RGS18: variants seen among roughly 807,000 people sequenced by gnomAD.
RGS18 encodes the protein regulator of G protein signaling 18, also known as regulator of G-protein signaling 18.
Under a neutral mutation model 27.6 loss-of-function variants are expected in RGS18, and 22 were observed. The ratio of observed to expected loss-of-function variants is 0.80; its 90% CI spans 0.57 to 1.14. The LOEUF is 1.14. Among genes scored for constraint, RGS18 ranks in the 50% most tolerant of loss-of-function variants. The probability of loss-of-function intolerance (pLI) is 0.00; values close to 1 mark genes in which losing one functional copy is unlikely to be tolerated. For missense variants in RGS18, 299 were observed against 269.6 expected (o/e 1.11, Z -0.76); for synonymous variants, 89 against 84.6 (o/e 1.05, Z -0.29).
At chr1:192,163,830 G>C (rs1427281626) in intron 3 of RGS18, among the ~76,000 whole-genome samples, 2 of 149,828 alleles carry the variant, frequency 1.3e-5, no homozygotes, top group African/African-American at 2.4e-5. Flanking sequence ...CTATTTATTT[G>C]ACTCTAGTAG....
chr1:192,183,647 C>T (rs1166543204), intron 4 of RGS18, among the ~76,000 whole-genome samples: 1 of 151,516 alleles, frequency 6.6e-6, no homozygotes, highest in Non-Finnish European at 1.5e-5. Context: ...CTGCAACAGA[C>T]ACAACAGCAC....
chr1:192,174,345 T>G lies in RGS18; in HGVS notation c.284-6947T>G, dbSNP rs185982381. ...TTTTTGAAATTTATTTAGGCTCATA[T>G]TATGAGTCTAACACAGAGTTTATCT... On this transcript the variant is annotated intron_variant, in intron 3 of 4. Coordinates refer to ENST00000367460, the MANE Select transcript of RGS18 (RefSeq NM_130782.3). 1.3e-4 allele frequency among the ~76,000 whole-genome samples: 20 copies of G among 151,966 alleles called. No homozygotes were observed. The East Asian group carries it at 3.7e-3, about 28-fold the overall frequency.
intron 3 of RGS18, among the ~76,000 whole-genome samples, chr1:192,180,292 G>T (rs1187738703): frequency 6.6e-6 from 1 of 151,530 alleles, no homozygotes; most frequent in Non-Finnish European, 1.5e-5. Context: ...AACACTTGGT[G>T]TATTTTAACA....
At chr1:192,167,437 T>A (rs560418621) in intron 3 of RGS18, among the ~76,000 whole-genome samples, 15 of 151,976 alleles carry the variant, frequency 9.9e-5, no homozygotes, top group Non-Finnish European at 2.1e-4. Context: ...TTTTTTTTTT[T>A]TATATTGAAT....
chr1:192,173,183 G>A (rs1656293768), intron 3 of RGS18, among the ~76,000 whole-genome samples: 1 of 151,832 alleles, frequency 6.6e-6, no homozygotes, highest in South Asian at 2.1e-4. Flanking sequence ...CTAGACAGCT[G>A]TAAACATTTA....
intron 3 of RGS18, among the ~76,000 whole-genome samples, chr1:192,165,297 C>T (rs1223073507): frequency 6.6e-6 from 1 of 152,130 alleles, no homozygotes; most frequent in East Asian, 1.9e-4. Context: ...AACCCTGTTT[C>T]CTGTTAAGAT....
At chr1:192,160,489 C>A in intron 3 of RGS18, 50 bp downstream of exon 3, 3 of 1,297,852 alleles carry the variant, frequency 2.3e-6, no homozygotes, top group South Asian at 1.2e-5. Flanking sequence ...GAAAATTACA[C>A]AAACTATGCA....
intron 3 of RGS18, among the ~76,000 whole-genome samples, chr1:192,161,139 T>C (rs1216528703): frequency 6.6e-6 from 1 of 152,168 alleles, no homozygotes; most frequent in African/African-American, 2.4e-5. Flanking sequence ...CGTGAACCAC[T>C]GCGCCCCGCT....
In RGS18 at chr1:192,184,902, A is replaced by AT. The variant is rs559431333; in HGVS notation, c.*354dup. ...AAGTTCAAACAAAAGTCTAGTTGGG[A>AT]TTTTTTACCAAAGCAGCATAATATG... is the stretch of plus-strand genomic sequence containing the variant. On this transcript the variant is annotated 3_prime_UTR_variant, in exon 5 of 5. Transcript: ENST00000367460. 5.1e-3 allele frequency: 1,128 copies of AT among 221,652 alleles called. 10 individuals are homozygous for AT. Among genetic ancestry groups the AT allele is most frequent in the African/African-American group, 0.022 (963 of 43,000 alleles). The allele number at this position is 221,652 out of a possible 1,614,324, so 13.7% of individuals were successfully genotyped here.
At chr1:192,160,841 T>G (rs1025822791) in intron 3 of RGS18, among the ~76,000 whole-genome samples, 7 of 152,154 alleles carry the variant, frequency 4.6e-5, no homozygotes, top group Non-Finnish European at 7.4e-5. Flanking sequence ...ACACAGTTTT[T>G]TTTGTTTGTT....
chr1:192,159,925 T>G (rs1373487344), intron 2 of RGS18, among the ~76,000 whole-genome samples: 5 of 152,060 alleles, frequency 3.3e-5, no homozygotes, highest in Admixed American at 6.5e-5. Flanking sequence ...TTAGTCAAAC[T>G]TCCTGTATCC....
chr1:192,169,223 C>T (rs1039211344), intron 3 of RGS18: 4 of 152,080 alleles, frequency 2.6e-5, no homozygotes, highest in Admixed American at 2.6e-4. Context: ...CTTCTGAAAT[C>T]ATGAAAATTA....
intron 3 of RGS18, among the ~76,000 whole-genome samples, chr1:192,161,007 G>A (rs1472099264): frequency 6.6e-6 from 1 of 151,924 alleles, no homozygotes; most frequent in Non-Finnish European, 1.5e-5. Flanking sequence ...CCGCCACCAC[G>A]CCCGGCTAAT....
chr1:192,160,224 A>G (rs905647805), intron 2 of RGS18, among the ~76,000 whole-genome samples, 154 bp from the exon 3 acceptor site: 5 of 152,232 alleles, frequency 3.3e-5, no homozygotes, highest in Admixed American at 1.3e-4. Context: ...ATGTTTTCAA[A>G]GTTTCTAATG....
intron 4 of RGS18, among the ~76,000 whole-genome samples, chr1:192,183,919 A>C (rs1656497502): frequency 6.6e-6 from 1 of 151,656 alleles, no homozygotes; most frequent in African/African-American, 2.4e-5. Flanking sequence ...CAATCATGGC[A>C]AAAGGCAGAG....
At chr1:192,160,921 C>T (rs1249610028) in intron 3 of RGS18, among the ~76,000 whole-genome samples, 2 of 152,150 alleles carry the variant, frequency 1.3e-5, no homozygotes, top group Admixed American at 6.5e-5. Flanking sequence ...GGCGCCATCT[C>T]GGCTCACTGC....
At position 192,158,679 on chromosome 1, in the gene RGS18, T is replaced by G; in HGVS notation, c.42T>G (p.Cys14Trp). The G allele has an allele frequency of 3.2e-6, 5 of 1,582,550 alleles. No homozygotes were observed. Among genetic ancestry groups the G allele is most frequent in the Non-Finnish European group, 3.4e-6 (4 of 1,169,910 alleles). Residue 14 changes from cysteine to tryptophan, a missense_variant, in exon 1 of 5, where the codon TGT becomes TGG. Physicochemically the swap from Cys to Trp is radical, Grantham distance 215. Transcript: ENST00000367460. The stretch of plus-strand genomic sequence containing the variant: ...TTTTCTTTTCTCAAATAAATATGTG[T>G]GAATCAAAAGAAAAAACTTTTTTCA... ...TLLFFSQINM[C>W]ESKEKTFFKL...
intron 3 of RGS18, among the ~76,000 whole-genome samples, chr1:192,172,884 A>ATAAAT (rs758940898): frequency 0.17 from 16,627 of 97,086 alleles, 1,322 homozygotes; most frequent in Middle Eastern, 0.34. Flanking sequence ...TATATATATA[A>ATAAAT]ATATATATAT....
chr1:192,185,234 A>T lies in RGS18; in HGVS notation c.*680A>T, dbSNP rs1363215417. ...TGAACTCATTCCTAAGTGAACATGG[A>T]CGTACCCAGTTATACAAAGTACTTC... is the stretch of plus-strand genomic sequence containing the variant. On this transcript the variant is annotated 3_prime_UTR_variant, in exon 5 of 5. Coordinates refer to ENST00000367460, the MANE Select transcript of RGS18 (RefSeq NM_130782.3). The T allele has an allele frequency of 6.6e-6, 1 of 151,748 alleles. No homozygotes were observed. The highest frequency in any genetic ancestry group is 1.5e-5 in the Non-Finnish European group (1 of 67,774). The allele number at this position is 151,748 out of a possible 1,614,324, so 9.4% of individuals were successfully genotyped here.
Sources: gnomAD v4.1 joint callset for allele counts (sites outside exome capture counted in the v4.1 genomes callset) on GRCh38, gnomAD v4.1.1 for gene constraint, MANE v1.5 for transcripts, NCBI Gene and HGNC (gene_info 2026-07-23, HGNC 2026-07-21) for gene names.